Variants in ERMP1 observed in about 807,000 individuals in gnomAD.
ERMP1 encodes endoplasmic reticulum metallopeptidase 1, also known as Felix-ina.
In ERMP1, 86 loss-of-function variants were observed where a neutral mutation model predicts 92.0. The ratio of observed to expected loss-of-function variants is 0.93; its 90% CI spans 0.79 to 1.12. The LOEUF (loss-of-function observed/expected upper bound fraction) is 1.12, where lower values mean the gene tolerates loss of function less well. ERMP1 is among the 50% of genes most tolerant of loss of function. The probability of loss-of-function intolerance (pLI) is 0.00; values close to 1 mark genes in which losing one functional copy is unlikely to be tolerated. For missense variants in ERMP1, 1,342 were observed against 1,116.3 expected, an observed-to-expected ratio of 1.20 and a Z score of -2.88; for synonymous variants, 530 against 412.8, an observed-to-expected ratio of 1.28 and a Z score of -3.44.
intron 7 of ERMP1, among the ~76,000 whole-genome samples, chr9:5,810,617 G>A (rs573733769): frequency 1.3e-5 from 2 of 152,282 alleles, no homozygotes; most frequent in Non-Finnish European, 2.9e-5. Flanking sequence ...GGTAACATAA[G>A]AAGATAAGGA....
At chr9:5,829,326 G>C (rs1162272946) in intron 2 of ERMP1, among the ~76,000 whole-genome samples, 1 of 151,756 alleles carries the variant, frequency 6.6e-6, no homozygotes, top group African/African-American at 2.4e-5. Flanking sequence ...GAAAATGCAA[G>C]TTACATTCTA....
rs1185601808 is a variant in ERMP1 at position 5,832,900 on chromosome 9, C to A, written c.128G>T (p.Cys43Phe). The A allele has an allele frequency of 1.2e-5, 18 of 1,557,188 alleles. No homozygotes were observed. The highest frequency in any genetic ancestry group is 1.5e-5 in the Non-Finnish European group (17 of 1,162,272). ...CTTCCGCGTCCTCCCGCCGCCGCTG[C>A]ACCCATCCACCAGAGGCTCCTGCGC... ...ARAQEPLVDG[C>F]SGGGRTRKRS... The change falls in exon 1 of 15, where the codon TGC becomes TTC. Residue 43 changes from cysteine to phenylalanine, a missense_variant. By Grantham distance (205) the Cys-to-Phe change is radical. Coordinates refer to ENST00000339450, the MANE Select transcript of ERMP1 (RefSeq NM_024896.3).
At chr9:5,812,102 A>G (rs772504874) in intron 6 of ERMP1, 23 bp downstream of exon 6, 1 of 1,445,692 alleles carries the variant, frequency 6.9e-7, no homozygotes, top group East Asian at 2.3e-5. Flanking sequence ...GTGTATATCA[A>G]AAGTCTAAAT....
chr9:5,820,298 C>A (rs12550991), intron 4 of ERMP1, among the ~76,000 whole-genome samples: 15 of 152,030 alleles, frequency 9.9e-5, no homozygotes, highest in Non-Finnish European at 2.2e-4. Flanking sequence ...GACTCCACCT[C>A]AAAAAGAAAA....
At chr9:5,848,529 C>A (rs1439611665) in intron 6 of ERMP1, among the ~76,000 whole-genome samples, 1 of 152,148 alleles carries the variant, frequency 6.6e-6, no homozygotes, top group Non-Finnish European at 1.5e-5. Flanking sequence ...CATCCAGATA[C>A]AAGGAGTGGC....
intron 10 of ERMP1, among the ~76,000 whole-genome samples, chr9:5,802,742 C>T (rs1828718729): frequency 2.6e-5 from 4 of 152,128 alleles, no homozygotes; most frequent in African/African-American, 2.4e-5. Flanking sequence ...CATGGTTATA[C>T]GTATACTGAT....
chr9:5,795,765 G>A (rs1828398983), intron 13 of ERMP1, among the ~76,000 whole-genome samples: 2 of 152,178 alleles, frequency 1.3e-5, no homozygotes, highest in South Asian at 4.2e-4. Context: ...GTGACAGAGT[G>A]AGACTGTCTC....
intron 5 of ERMP1, among the ~76,000 whole-genome samples, chr9:5,861,180 T>G (rs1024015447): frequency 7.3e-6 from 1 of 137,134 alleles, no homozygotes; most frequent in Non-Finnish European, 1.6e-5. Flanking sequence ...GGTGTGTGTG[T>G]GTGTGTGTGT....
At chr9:5,815,903 G>C (rs918512095) in intron 4 of ERMP1, among the ~76,000 whole-genome samples, 1 of 151,888 alleles carries the variant, frequency 6.6e-6, no homozygotes, top group African/African-American at 2.4e-5. Flanking sequence ...CGTACATTAC[G>C]AGATCTTATC....
Position 5,811,319 on chromosome 9 carries a change from G to A in ERMP1, c.1119C>T (p.Asp373=), listed in dbSNP as rs1253062138. The A allele has an allele frequency of 6.3e-7, 1 of 1,595,966 alleles. No homozygotes were observed. Among genetic ancestry groups the A allele is most frequent in the African/African-American group, 1.4e-5 (1 of 73,872 alleles). ...GATGCTTAAGAACTGCTAAAATGTT[G>A]TCACCTATTAGTAAAAACAAAAAAA... ...ILTDSIQRAG[D]NILAVLKHLA... Residue 373 remains aspartate, a synonymous_variant, in exon 7 of 15, where the codon GAC becomes GAT. Coordinates refer to ENST00000339450, the MANE Select transcript of ERMP1 (RefSeq NM_024896.3).
At chr9:5,806,479 G>A (rs1828875723) in intron 8 of ERMP1, among the ~76,000 whole-genome samples, 1 of 150,468 alleles carries the variant, frequency 6.6e-6, no homozygotes, top group South Asian at 2.1e-4. Context: ...CTAGGCCGGA[G>A]TCCAGTGGTG....
Position 5,785,767 on chromosome 9 carries a change from T to G in ERMP1, c.*1377A>C, listed in dbSNP as rs1827911455. On this transcript the variant is annotated 3_prime_UTR_variant, in exon 15 of 15. Transcript: ENST00000339450. Reference sequence around the variant, plus strand: ...CATTTCCTCCATCACCCAAGATAAATCTAGCCACCCTTTTTTGTTAACTGT... The same window carrying G: ...CATTTCCTCCATCACCCAAGATAAAGCTAGCCACCCTTTTTTGTTAACTGT... 6.6e-6 allele frequency: 1 copy of G among 152,370 alleles called. No individual in the cohort carries two copies. The highest frequency in any genetic ancestry group is 1.5e-5 in the Non-Finnish European group (1 of 68,034). The allele number at this position is 152,370 out of a possible 1,614,324, so 9.4% of individuals were successfully genotyped here.
chr9:5,812,127 G>T lies in ERMP1; in HGVS notation c.1112C>A (p.Ala371Glu). Reference sequence around the variant, plus strand: ...AAAGTCTAAATTGGAATACCAACCTGCTCTCTGAATGGAATCTGTTAGAAT... The same window carrying T: ...AAAGTCTAAATTGGAATACCAACCTTCTCTCTGAATGGAATCTGTTAGAAT... ...DRILTDSIQR[A>E]GDNILAVLKH... The change falls in exon 6 of 15, where the codon GCA becomes GAA. Residue 371 changes from alanine to glutamate, a missense_variant and splice_region_variant. Coordinates refer to ENST00000339450, the MANE Select transcript of ERMP1 (RefSeq NM_024896.3). The T allele has an allele frequency of 1.3e-6, 2 of 1,589,240 alleles. No individual in the cohort carries two copies. The highest frequency in any genetic ancestry group is 1.7e-6 in the Non-Finnish European group (2 of 1,163,198).
At chr9:5,846,065 G>A (rs1563780486) in intron 6 of ERMP1, among the ~76,000 whole-genome samples, 1 of 152,106 alleles carries the variant, frequency 6.6e-6, no homozygotes, top group Non-Finnish European at 1.5e-5. Context: ...TGGGTGGGGT[G>A]GATTCTGCAC....
chr9:5,788,074 A>G (rs1426818767), intron 13 of ERMP1, among the ~76,000 whole-genome samples: 1 of 152,246 alleles, frequency 6.6e-6, no homozygotes, highest in Admixed American at 6.5e-5. Flanking sequence ...CTGAAAATTT[A>G]GTCATCACTG....
At chr9:5,817,728 G>A (rs1168535173) in intron 4 of ERMP1, among the ~76,000 whole-genome samples, 1 of 152,158 alleles carries the variant, frequency 6.6e-6, no homozygotes, top group Non-Finnish European at 1.5e-5. Flanking sequence ...GTAGGCCTCA[G>A]TGCCAAGAAT....
chr9:5,843,015 A>G (rs1156969401), intron 6 of ERMP1, among the ~76,000 whole-genome samples: 1 of 152,272 alleles, frequency 6.6e-6, no homozygotes, highest in Non-Finnish European at 1.5e-5. Context: ...AGAGATTCAG[A>G]TACAAAAAGC....
chr9:5,813,671 G>T (rs1829194177), intron 4 of ERMP1, among the ~76,000 whole-genome samples: 1 of 151,834 alleles, frequency 6.6e-6, no homozygotes, highest in African/African-American at 2.4e-5. Flanking sequence ...GATTAGGGAT[G>T]CTCAATCTGT....
Position 5,823,970 on chromosome 9 carries a change from CA to C in ERMP1, c.799del (p.Trp267GlyfsTer4). On this transcript the variant is annotated frameshift_variant, in exon 4 of 15. Transcript: ENST00000339450. LOFTEE classifies it high-confidence loss of function. ...AATGAATGCACGAATCAAGCTAGCC[CA>C]GGGGTGCTGAGTAATGAAACCATGA... ...ASHGFITQHP[W>X]ASLIRAFINL... is the part of the protein sequence containing the mutation. 6.2e-7 allele frequency: 1 copy of C among 1,614,058 alleles called. No individual in the cohort carries two copies. The highest frequency in any genetic ancestry group is 1.3e-5 in the African/African-American group (1 of 75,014).
Sources: gnomAD v4.1 joint callset for allele counts (sites outside exome capture counted in the v4.1 genomes callset) on GRCh38, gnomAD v4.1.1 for gene constraint, MANE v1.5 for transcripts, NCBI Gene and HGNC (gene_info 2026-07-23, HGNC 2026-07-21) for gene names.